Variants in PDZRN3 observed in about 807,000 individuals in gnomAD.
PDZRN3 encodes the protein PDZ domain containing ring finger 3, also known as E3 ubiquitin-protein ligase PDZRN3.
A neutral mutation model predicts 85.7 loss-of-function variants in PDZRN3; 38 were observed. The ratio of observed to expected loss-of-function variants is 0.44; its 90% CI spans 0.34 to 0.58. The LOEUF is 0.58. PDZRN3 is among the 20% of genes least tolerant of loss of function. The pLI, the probability that PDZRN3 is intolerant of heterozygous loss-of-function variation, is 0.01. For missense variants in PDZRN3, 1,629 were observed against 1,506.4 expected, an observed-to-expected ratio of 1.08 and a Z score of -1.35; for synonymous variants, 759 against 638.0, an observed-to-expected ratio of 1.19 and a Z score of -2.86.
At chr3:73,483,951 C>T (rs958224993) in intron 3 of PDZRN3, among the ~76,000 whole-genome samples, 3 of 152,054 alleles carry the variant, frequency 2.0e-5, no homozygotes, top group African/African-American at 7.2e-5. Flanking sequence ...TATATCAAAT[C>T]AAGGTTTTAG....
intron 3 of PDZRN3, among the ~76,000 whole-genome samples, chr3:73,544,041 G>A (rs1701358344): frequency 6.6e-6 from 1 of 152,046 alleles, no homozygotes; most frequent in Non-Finnish European, 1.5e-5. Context: ...GTGAAACCTC[G>A]GTCTCTACTA....
chr3:73,586,919 C>G (rs1046751408), intron 3 of PDZRN3, among the ~76,000 whole-genome samples: 1 of 152,192 alleles, frequency 6.6e-6, no homozygotes, highest in Non-Finnish European at 1.5e-5. Flanking sequence ...GGCCCATGAA[C>G]TTTGCCTCAA....
intron 3 of PDZRN3, among the ~76,000 whole-genome samples, chr3:73,473,904 T>C (rs6769320): frequency 0.16 from 23,744 of 152,030 alleles, 3,919 homozygotes; most frequent in African/African-American, 0.43. Flanking sequence ...CTCCTGGGTG[T>C]CTGACATTCA....
At chr3:73,588,006 A>T (rs1022807657) in intron 3 of PDZRN3, among the ~76,000 whole-genome samples, 1 of 152,206 alleles carries the variant, frequency 6.6e-6, no homozygotes, top group African/African-American at 2.4e-5. Flanking sequence ...TGTGCAGAAC[A>T]TGCAGGTTGT....
intron 3 of PDZRN3, among the ~76,000 whole-genome samples, chr3:73,574,459 G>GA (rs1477199841): frequency 1.4e-5 from 2 of 140,024 alleles, no homozygotes; most frequent in Non-Finnish European, 3.1e-5. Flanking sequence ...GGCTGGGGTG[G>GA]GGGGGGTGGG....
At chr3:73,413,069 A>G (rs894313949) in intron 3 of PDZRN3, among the ~76,000 whole-genome samples, 1 of 152,212 alleles carries the variant, frequency 6.6e-6, no homozygotes, top group Non-Finnish European at 1.5e-5. Flanking sequence ...GAATGATGTA[A>G]TTAAAGTAAA....
At chr3:73,443,643 G>A (rs566538802) in intron 3 of PDZRN3, among the ~76,000 whole-genome samples, 7 of 151,860 alleles carry the variant, frequency 4.6e-5, no homozygotes, top group African/African-American at 7.2e-5. Context: ...GCACCACTAT[G>A]CCTGGCTATT....
intron 1 of PDZRN3, among the ~76,000 whole-genome samples, chr3:73,610,412 T>C (rs1702665244): frequency 6.6e-6 from 1 of 152,240 alleles, no homozygotes; most frequent in Non-Finnish European, 1.5e-5. Flanking sequence ...TCCCTCTTTA[T>C]AACCAATTTG....
intron 3 of PDZRN3, among the ~76,000 whole-genome samples, chr3:73,520,777 A>C (rs1428131327): frequency 1.3e-5 from 2 of 152,092 alleles, no homozygotes; most frequent in East Asian, 3.9e-4. Flanking sequence ...GGAAGAGGTG[A>C]GCCCCTTGGG....
In PDZRN3 at chr3:73,390,956, T is replaced by TG. The variant is rs536552279; in HGVS notation, c.1353+61dup. ...TGAGGTGGGTTAGGGTTGGTGAACA[T>TG]GAAAAAAAAAACCCTTTTGGTCTTG... On this transcript the variant is annotated intron_variant, in intron 6 of 9. Transcript: ENST00000263666. 4.0e-4 allele frequency: 301 copies of TG among 751,360 alleles called. 1 individual carries two copies. In the East Asian group the frequency reaches 8.7e-3, roughly 22 times the overall value. The allele number at this position is 751,360 out of a possible 1,614,324, so 46.5% of individuals were successfully genotyped here. A position where few individuals can be genotyped will look rare whatever the true frequency, so the allele number is the denominator to read the frequency against.
At chr3:73,528,018 A>G (rs911349477) in intron 3 of PDZRN3, among the ~76,000 whole-genome samples, 2 of 152,238 alleles carry the variant, frequency 1.3e-5, no homozygotes, top group African/African-American at 4.8e-5. Flanking sequence ...TCCACACACA[A>G]TAAACCTGGA....
At chr3:73,581,283 A>G (rs1422422164) in intron 3 of PDZRN3, among the ~76,000 whole-genome samples, 4 of 152,220 alleles carry the variant, frequency 2.6e-5, no homozygotes, top group African/African-American at 9.7e-5. Flanking sequence ...GAACATACAC[A>G]CTCAACTATG....
chr3:73,410,171 G>A (rs145951375), intron 3 of PDZRN3, among the ~76,000 whole-genome samples: 355 of 152,234 alleles, frequency 2.3e-3, no homozygotes, highest in Admixed American at 4.9e-3. Context: ...TTCAAGCCCT[G>A]ATTTAGGTTG....
At chr3:73,472,127 C>T (rs1377748316) in intron 3 of PDZRN3, among the ~76,000 whole-genome samples, 1 of 152,196 alleles carries the variant, frequency 6.6e-6, no homozygotes, top group Non-Finnish European at 1.5e-5. Flanking sequence ...ATGCAGAAAA[C>T]AACACACAGC....
chr3:73,445,883 A>G (rs1702738976), intron 3 of PDZRN3, among the ~76,000 whole-genome samples: 1 of 152,236 alleles, frequency 6.6e-6, no homozygotes, highest in African/African-American at 2.4e-5. Flanking sequence ...GGAAAATTGA[A>G]GTGATTTAAA....
At chr3:73,536,098 T>C (rs894076868) in intron 3 of PDZRN3, among the ~76,000 whole-genome samples, 2 of 152,260 alleles carry the variant, frequency 1.3e-5, no homozygotes, top group Non-Finnish European at 2.9e-5. Context: ...CTTTAGAATG[T>C]AACCTTTGCT....
chr3:73,624,427 G>A lies in PDZRN3; in HGVS notation c.399C>T (p.Ala133=), dbSNP rs6763344. ...AGCGGCCCACTGGCCGCGCGTCGCA[G>A]GCGTCGCGCATGTGCGCCTCCACGT... ...RRDVEAHMRD[A]CDARPVGRCQ... The change falls in exon 1 of 10, where the codon GCC becomes GCT. Residue 133 remains alanine (A), a synonymous_variant. Coordinates refer to ENST00000263666, the MANE Select transcript of PDZRN3 (RefSeq NM_015009.3). 2 of 1,306,182 alleles carry A rather than the reference G, an allele frequency of 1.5e-6. No homozygotes were observed. The highest frequency in any genetic ancestry group is 4.1e-5 in the Admixed American group (1 of 24,116). The allele number at this position is 1,306,182 out of a possible 1,614,324, so 80.9% of individuals were successfully genotyped here. A position where few individuals can be genotyped will look rare whatever the true frequency, so the allele number is the denominator to read the frequency against.
intron 5 of PDZRN3, among the ~76,000 whole-genome samples, chr3:73,397,691 T>G: frequency 6.6e-6 from 1 of 152,178 alleles, no homozygotes; most frequent in Non-Finnish European, 1.5e-5. Context: ...GTTCCTAGCC[T>G]AGGAGGCCTG....
At chr3:73,609,891 G>A (rs942992570) in intron 1 of PDZRN3, among the ~76,000 whole-genome samples, 3 of 152,152 alleles carry the variant, frequency 2.0e-5, no homozygotes, top group African/African-American at 7.2e-5. Flanking sequence ...CTGGAGCACC[G>A]CTTCATTTAT....
Sources: gnomAD v4.1 joint callset for allele counts (sites outside exome capture counted in the v4.1 genomes callset) on GRCh38, gnomAD v4.1.1 for gene constraint, MANE v1.5 for transcripts, NCBI Gene and HGNC (gene_info 2026-07-23, HGNC 2026-07-21) for gene names.